The following C12orf42 variants were observed in gnomAD, a reference collection of about 807,000 sequenced individuals.
The protein encoded by C12orf42 is chromosome 12 open reading frame 42, also known as uncharacterized protein C12orf42.
C12orf42 carries 25 observed loss-of-function variants against 21.6 expected under a neutral mutation model. The ratio of observed to expected loss-of-function variants is 1.16; its 90% CI spans 0.84 to 1.62. The LOEUF (loss-of-function observed/expected upper bound fraction) is 1.62, where lower values mean the gene tolerates loss of function less well. Ranked by LOEUF, C12orf42 falls within the 40% of genes most tolerant of loss-of-function variation. The pLI, the probability that C12orf42 is intolerant of heterozygous loss-of-function variation, is 0.00. For missense variants in C12orf42, 483 were observed against 459.3 expected, an observed-to-expected ratio of 1.05 and a Z score of -0.47; for synonymous variants, 174 against 175.0, an observed-to-expected ratio of 0.99 and a Z score of 0.05.
chr12:103,136,071 T>G, the C12orf42 span, among the ~76,000 whole-genome samples: 1 of 151,506 alleles, frequency 6.6e-6, no homozygotes, highest in Non-Finnish European at 1.5e-5. Flanking sequence ...GAGGCAAAAA[T>G]AAAACCATCC....
At chr12:103,141,911 T>C in the C12orf42 span, among the ~76,000 whole-genome samples, 2 of 152,172 alleles carry the variant, frequency 1.3e-5, no homozygotes, top group Non-Finnish European at 2.9e-5. Context: ...TTATTTCGTC[T>C]TATCTGTATT....
At chr12:103,448,606 C>G (rs1951729024) in intron 2 of C12orf42, among the ~76,000 whole-genome samples, 1 of 151,668 alleles carries the variant, frequency 6.6e-6, no homozygotes, top group African/African-American at 2.4e-5. Context: ...AACACGATCT[C>G]ATCAAAATGT....
At chr12:103,263,398 G>A (rs1251554381) in intron 9 of C12orf42, 3 of 152,060 alleles carry the variant, frequency 2.0e-5, no homozygotes, top group Admixed American at 6.6e-5. Context: ...TGATTTCAGT[G>A]AAGCCATAAA....
chr12:103,212,491 T>C, the C12orf42 span, among the ~76,000 whole-genome samples: 1 of 152,330 alleles, frequency 6.6e-6, no homozygotes, highest in African/African-American at 2.4e-5. Context: ...TGTTCCTCAG[T>C]TCCCTATATG....
At chr12:103,050,160 T>C in the C12orf42 span, among the ~76,000 whole-genome samples, 14 of 152,188 alleles carry the variant, frequency 9.2e-5, no homozygotes, top group African/African-American at 3.4e-4. Context: ...CTACCACAAG[T>C]TTAGCACTGT....
At chr12:103,501,785 C>A in the C12orf42 span, among the ~76,000 whole-genome samples, 12 of 152,154 alleles carry the variant, frequency 7.9e-5, no homozygotes, top group African/African-American at 2.9e-4. Flanking sequence ...GGTTTTCATG[C>A]TGCTCAAAGA....
intron 4 of C12orf42, among the ~76,000 whole-genome samples, chr12:103,334,331 T>A (rs976670731): frequency 6.6e-5 from 10 of 152,164 alleles, no homozygotes; most frequent in African/African-American, 2.2e-4. Context: ...GTAATTTAAA[T>A]TTTAATTTAA....
chr12:103,317,791 T>C (rs1005500362), intron 4 of C12orf42, among the ~76,000 whole-genome samples: 1 of 152,228 alleles, frequency 6.6e-6, no homozygotes, highest in Non-Finnish European at 1.5e-5. Context: ...TGGTATTTTG[T>C]AGGTCAAAAA....
chr12:103,498,284 G>A (rs1955623515), upstream of C12orf42, among the ~76,000 whole-genome samples: 1 of 152,194 alleles, frequency 6.6e-6, no homozygotes, highest in African/African-American at 2.4e-5. Flanking sequence ...CATAAATTTG[G>A]CTATATAATA....
At chr12:103,327,744 T>C (rs2040843445) in intron 4 of C12orf42, among the ~76,000 whole-genome samples, 1 of 152,214 alleles carries the variant, frequency 6.6e-6, no homozygotes, top group South Asian at 2.1e-4. Context: ...ATGCAAGCCA[T>C]ATTGTTAAAA....
downstream of C12orf42, among the ~76,000 whole-genome samples, chr12:103,236,717 A>T (rs979731161): frequency 1.3e-5 from 2 of 151,230 alleles, no homozygotes; most frequent in African/African-American, 4.9e-5. Context: ...CTATTGCCTT[A>T]AAAAAAAAGT....
the C12orf42 span, among the ~76,000 whole-genome samples, chr12:103,069,768 C>G: frequency 6.6e-6 from 1 of 152,078 alleles, no homozygotes; most frequent in Non-Finnish European, 1.5e-5. Flanking sequence ...CTTGGCATAC[C>G]AGGCAAATTA....
At chr12:103,557,183 T>C in the C12orf42 span, among the ~76,000 whole-genome samples, 1 of 152,092 alleles carries the variant, frequency 6.6e-6, no homozygotes. Flanking sequence ...TCCAGAACCA[T>C]GCAAGGAGAA....
At chr12:103,085,188 T>C in the C12orf42 span, among the ~76,000 whole-genome samples, 1 of 152,194 alleles carries the variant, frequency 6.6e-6, no homozygotes, top group Non-Finnish European at 1.5e-5. Context: ...TAGATACATT[T>C]TTGGCAAATT....
chr12:103,076,823 A>G, the C12orf42 span, among the ~76,000 whole-genome samples: 1 of 152,200 alleles, frequency 6.6e-6, no homozygotes, highest in Non-Finnish European at 1.5e-5. Flanking sequence ...ATTAGGTATA[A>G]TTATTATGTA....
At chr12:103,121,870 C>T in the C12orf42 span, among the ~76,000 whole-genome samples, 1 of 152,166 alleles carries the variant, frequency 6.6e-6, no homozygotes, top group African/African-American at 2.4e-5. Flanking sequence ...AACACAAGTA[C>T]TTTAACATTT....
At chr12:103,156,158 T>C in the C12orf42 span, 1 of 152,180 alleles carries the variant, frequency 6.6e-6, no homozygotes, top group African/African-American at 2.4e-5. Flanking sequence ...TTTGAATCAG[T>C]TTGAATGTTC....
chr12:103,095,542 C>T, the C12orf42 span, among the ~76,000 whole-genome samples: 1 of 152,144 alleles, frequency 6.6e-6, no homozygotes, highest in Admixed American at 6.6e-5. Context: ...AGATCTACTC[C>T]CAATGGCCCT....
At chr12:103,225,538 A>C in the C12orf42 span, among the ~76,000 whole-genome samples, 99 of 152,176 alleles carry the variant, frequency 6.5e-4, 1 homozygote, top group African/African-American at 2.3e-3. Context: ...GTGGGGGGAT[A>C]CAAGAGGAGG....
Sources: allele counts gnomAD v4.1 joint callset (sites outside exome capture counted in the v4.1 genomes callset), GRCh38; gene constraint gnomAD v4.1.1; transcripts MANE v1.5; gene names NCBI Gene and HGNC (gene_info 2026-07-23, HGNC 2026-07-21).